Variants in CLCA4 observed in about 807,000 individuals in gnomAD.
CLCA4 encodes chloride channel accessory 4.
Under a neutral mutation model 78.9 loss-of-function variants are expected in CLCA4, and 69 were observed. The ratio of observed to expected loss-of-function variants is 0.87; its 90% CI spans 0.72 to 1.07. CLCA4 has a LOEUF of 1.07. Ranked by LOEUF, CLCA4 falls within the 50% of genes least tolerant of loss-of-function variation. The probability of loss-of-function intolerance (pLI) is 0.00; values close to 1 mark genes in which losing one functional copy is unlikely to be tolerated. For missense variants in CLCA4, 1,133 were observed against 1,095.8 expected, an observed-to-expected ratio of 1.03 and a Z score of -0.48; for synonymous variants, 362 against 375.8, an observed-to-expected ratio of 0.96 and a Z score of 0.42.
intron 1 of CLCA4, among the ~76,000 whole-genome samples, chr1:86,556,274 T>G (rs1455085768): frequency 6.6e-6 from 1 of 152,240 alleles, no homozygotes; most frequent in Non-Finnish European, 1.5e-5. Flanking sequence ...CATCCTTGTC[T>G]TGTGCCAGTT....
chr1:86,572,070 A>C (rs142094152), intron 8 of CLCA4, among the ~76,000 whole-genome samples: 1 of 152,032 alleles, frequency 6.6e-6, no homozygotes, highest in African/African-American at 2.4e-5. Context: ...TTTTGGATTT[A>C]TCTCTCTTGC....
At chr1:86,576,180 G>A (rs1650514295) in intron 11 of CLCA4, among the ~76,000 whole-genome samples, 1 of 151,598 alleles carries the variant, frequency 6.6e-6, no homozygotes, top group South Asian at 2.1e-4. Context: ...GTTTTTTTGA[G>A]ATGAGGTCTC....
At position 86,547,083 on chromosome 1, in the gene CLCA4, A is replaced by G; in HGVS notation, c.-37A>G. The G allele has an allele frequency of 1.3e-6, 2 of 1,578,952 alleles. No homozygotes were observed. The highest frequency in any genetic ancestry group is 1.7e-6 in the Non-Finnish European group (2 of 1,170,464). On this transcript the variant is annotated 5_prime_UTR_variant, in exon 1 of 14. Coordinates refer to ENST00000370563, the MANE Select transcript of CLCA4 (RefSeq NM_012128.4). ...AAAGAAAAGAAAAGCCTCTTGAACA[A>G]ACCAACATTTGAGCCAGGAATAACT...
chr1:86,578,551 C>T (rs1172701852), intron 12 of CLCA4, among the ~76,000 whole-genome samples: 1 of 151,974 alleles, frequency 6.6e-6, no homozygotes, highest in Admixed American at 6.6e-5. Context: ...TGAGAACACG[C>T]AGTATTTTGG....
chr1:86,552,853 T>C, intron 1 of CLCA4: 1 of 761,046 alleles, frequency 1.3e-6, no homozygotes, highest in Non-Finnish European at 2.3e-6. Context: ...TTCATATATA[T>C]CTGATCGAGT....
intron 1 of CLCA4, chr1:86,553,139 T>C: frequency 1.2e-6 from 1 of 863,254 alleles, no homozygotes; most frequent in African/African-American, 1.7e-5. Context: ...TCCTCTTGGA[T>C]CTGCCGGACC....
chr1:86,548,991 A>C (rs1649581594), intron 1 of CLCA4, among the ~76,000 whole-genome samples: 2 of 152,184 alleles, frequency 1.3e-5, no homozygotes, highest in African/African-American at 4.8e-5. Flanking sequence ...AATGTTTATG[A>C]CATGCTAAAG....
At position 86,566,094 on chromosome 1, in the gene CLCA4, C is replaced by T; in HGVS notation, c.954+74C>T. Reference sequence around the variant, plus strand: ...GAGAACACACTGAACTCTGTCTGCACCTAGATTGTTCTAAATTGCATGGTG... The same window carrying T: ...GAGAACACACTGAACTCTGTCTGCATCTAGATTGTTCTAAATTGCATGGTG... On this transcript the variant is annotated intron_variant, in intron 6 of 13. Coordinates refer to ENST00000370563, the MANE Select transcript of CLCA4 (RefSeq NM_012128.4). 1.2e-5 allele frequency: 16 copies of T among 1,311,912 alleles called. No homozygotes were observed. The South Asian group carries it at 1.9e-4, about 15-fold the overall frequency. 81.3% of individuals were successfully genotyped at this position (1,311,912 alleles called of 1,614,324 possible).
chr1:86,547,948 C>T (rs976221946), intron 1 of CLCA4, among the ~76,000 whole-genome samples: 2 of 152,172 alleles, frequency 1.3e-5, no homozygotes, highest in Non-Finnish European at 2.9e-5. Flanking sequence ...GATGTCTTTT[C>T]CCTTGGATAT....
At position 86,560,258 on chromosome 1, in the gene CLCA4, A is replaced by G. The variant is rs1006514851; in HGVS notation, c.348A>G (p.Pro116=). Residue 116 remains proline (P), a synonymous_variant, in exon 3 of 14, where the codon CCA becomes CCG. Coordinates refer to ENST00000370563, the MANE Select transcript of CLCA4 (RefSeq NM_012128.4). ...CTACACTCCCAGGTAGAGATGAACC[A>G]TACACCAAGCAGTTCACAGAATGTG... The part of the protein sequence containing the change: ...APPTLPGRDE[P]YTKQFTECGE... The G allele has an allele frequency of 1.4e-5, 22 of 1,613,966 alleles. No individual in the cohort carries two copies. Among genetic ancestry groups the G allele is most frequent in the East Asian group, 2.2e-5 (1 of 44,882 alleles).
chr1:86,578,116 A>C (rs765303045), intron 12 of CLCA4, 44 bp downstream of exon 12: 1 of 1,522,094 alleles, frequency 6.6e-7, no homozygotes, highest in Admixed American at 2.0e-5. Context: ...AGTTTGAACA[A>C]TATTAGTGAT....
At chr1:86,569,700 T>C (rs925324393) in intron 7 of CLCA4, among the ~76,000 whole-genome samples, 1 of 152,004 alleles carries the variant, frequency 6.6e-6, no homozygotes, top group Non-Finnish European at 1.5e-5. Flanking sequence ...TCTCTTGAAC[T>C]ATAGAATATT....
In CLCA4 at chr1:86,573,135, A is replaced by T. The variant is rs1400315321; in HGVS notation, c.1467+415A>T. ...ACATGAACTCAAGAACCTGGCTGGG[A>T]AATGGAAGGAGTGTATCTTGGAAAT... On this transcript the variant is annotated intron_variant, in intron 9 of 13. Transcript: ENST00000370563. Among the ~76,000 whole-genome samples, 4 of 151,964 alleles carry T rather than the reference A, an allele frequency of 2.6e-5. No homozygotes were observed. In the East Asian group the frequency reaches 7.7e-4, roughly 29 times the overall value.
Position 86,577,951 on chromosome 1 carries a change from A to G in CLCA4, c.2001A>G (p.Ala667=), listed in dbSNP as rs748489096. The change falls in exon 12 of 14, where the codon GCA becomes GCG. Residue 667 remains alanine, a synonymous_variant. Coordinates refer to ENST00000370563, the MANE Select transcript of CLCA4 (RefSeq NM_012128.4). ...GAGTCTACTCCAGGTATTTTACAGC[A>G]TATACAGAAAATGGCAGATATAGCT... ...NDGVYSRYFT[A]YTENGRYSLK... The G allele has an allele frequency of 1.9e-6, 3 of 1,612,814 alleles. No homozygotes were observed. The East Asian group carries it at 6.7e-5, about 36-fold the overall frequency.
At position 86,580,510 on chromosome 1, in the gene CLCA4, A is replaced by G; in HGVS notation, c.*165A>G. The G allele has an allele frequency of 2.1e-6, 1 of 472,936 alleles. No individual in the cohort carries two copies. Among genetic ancestry groups the G allele is most frequent in the Non-Finnish European group, 3.5e-6 (1 of 281,932 alleles). The allele number at this position is 472,936 out of a possible 1,614,324, so 29.3% of individuals were successfully genotyped here. A position where few individuals can be genotyped will look rare whatever the true frequency, so the allele number is the denominator to read the frequency against. On this transcript the variant is annotated 3_prime_UTR_variant, in exon 14 of 14. Coordinates refer to ENST00000370563, the MANE Select transcript of CLCA4 (RefSeq NM_012128.4). Reference sequence around the variant, plus strand: ...CGGAAAAGGATACTTTGATTAAATAAAAACACTCATGGATATGTAAAAACT... The same window carrying G: ...CGGAAAAGGATACTTTGATTAAATAGAAACACTCATGGATATGTAAAAACT...
rs369800631 is a variant in CLCA4 at position 86,571,013 on chromosome 1, T to C, written c.1183-64T>C. 592 of 1,227,116 alleles carry C rather than the reference T, an allele frequency of 4.8e-4. 3 individuals are homozygous for C. In the African/African-American group the frequency reaches 8.1e-3, roughly 17 times the overall value. 76.0% of individuals were successfully genotyped at this position (1,227,116 alleles called of 1,614,324 possible). On this transcript the variant is annotated intron_variant, in intron 7 of 13. Transcript: ENST00000370563. The stretch of plus-strand genomic sequence containing the variant: ...ATTTTCTCTGTAAATTTTTTCTCAT[T>C]TCCCATTTGTCTATTTGATCTAGGA...
At chr1:86,552,573 A>T (rs1649697944) in intron 1 of CLCA4, 3 of 577,474 alleles carry the variant, frequency 5.2e-6, no homozygotes, top group South Asian at 2.0e-5. Context: ...GCCAGTGCTC[A>T]CGTGTCCACG....
At position 86,563,712 on chromosome 1, in the gene CLCA4, A is replaced by G; in HGVS notation, c.500A>G (p.Glu167Gly). 1 of 1,608,156 alleles carries G rather than the reference A, an allele frequency of 6.2e-7. No individual in the cohort carries two copies. Among genetic ancestry groups the G allele is most frequent in the Non-Finnish European group, 8.5e-7 (1 of 1,176,790 alleles). ...WAHLRWGVFD[E>G]YNEDQPFYRA... Reference sequence around the variant, plus strand: ...CACCTCCGGTGGGGAGTGTTTGATGAGTACAATGAAGATCAGCCTTTCTAC... The same window carrying G: ...CACCTCCGGTGGGGAGTGTTTGATGGGTACAATGAAGATCAGCCTTTCTAC... The change falls in exon 4 of 14, where the codon GAG (glutamate) becomes GGG (glycine). Residue 167 changes from glutamate (E) to glycine (G), a missense_variant. By Grantham distance (98) the Glu-to-Gly change is moderately conservative. Coordinates refer to ENST00000370563, the MANE Select transcript of CLCA4 (RefSeq NM_012128.4).
chr1:86,552,794 C>A, intron 1 of CLCA4: 2 of 1,144,846 alleles, frequency 1.7e-6, no homozygotes, highest in South Asian at 2.5e-5. Context: ...GGGCTGTCCA[C>A]GCCTGAAAAC....
Sources: allele counts gnomAD v4.1 joint callset (sites outside exome capture counted in the v4.1 genomes callset), GRCh38; gene constraint gnomAD v4.1.1; transcripts MANE v1.5; gene names NCBI Gene and HGNC (gene_info 2026-07-23, HGNC 2026-07-21).